The following LRRK1 variants were observed in gnomAD, a reference collection of about 807,000 sequenced individuals.
LRRK1 encodes the protein leucine rich repeat kinase 1, also known as leucine-rich repeat serine/threonine-protein kinase 1.
Under a neutral mutation model 209.1 loss-of-function variants are expected in LRRK1, and 113 were observed. The ratio of observed to expected loss-of-function variants is 0.54; its 90% CI spans 0.46 to 0.63. The LOEUF (loss-of-function observed/expected upper bound fraction) is 0.63, where lower values mean the gene tolerates loss of function less well. Among genes scored for constraint, LRRK1 ranks in the 30% least tolerant of loss-of-function variants. The probability of loss-of-function intolerance (pLI) is 0.00; values close to 1 mark genes in which losing one functional copy is unlikely to be tolerated. For missense variants in LRRK1, 2,284 were observed against 2,632.2 expected (o/e 0.87, Z 2.89); for synonymous variants, 1,144 against 1,099.7 (o/e 1.04, Z -0.80).
In LRRK1 at chr15:101,076,616, C is replaced by G. The variant is rs1322732775; in HGVS notation, c.*7768C>G. On this transcript the variant is annotated 3_prime_UTR_variant, in exon 34 of 34. Coordinates refer to ENST00000388948, the MANE Select transcript of LRRK1 (RefSeq NM_024652.6). ...CGCTAGCCCGCCTCTTAGAACCTCT[C>G]ATTTCCTTTCCATCGTGGAAATCTA... 1 of 152,410 alleles carries G rather than the reference C, an allele frequency of 6.6e-6. No individual in the cohort carries two copies. Among genetic ancestry groups the G allele is most frequent in the Admixed American group, 6.5e-5 (1 of 15,292 alleles). The allele number at this position is 152,410 out of a possible 1,614,324, so 9.4% of individuals were successfully genotyped here.
chr15:100,924,873 T>C (rs756355365), intron 2 of LRRK1, 144 bp downstream of exon 2: 19 of 589,798 alleles, frequency 3.2e-5, no homozygotes, highest in Non-Finnish European at 5.2e-5. Context: ...TCATATAATA[T>C]ATCTTGGGAC....
At chr15:100,928,538 A>T (rs2042153374) in intron 2 of LRRK1, among the ~76,000 whole-genome samples, 1 of 152,164 alleles carries the variant, frequency 6.6e-6, no homozygotes, top group African/African-American at 2.4e-5. Flanking sequence ...ACTCAAAATT[A>T]TGTAGGGACA....
At chr15:100,968,817 C>T (rs187325243) in intron 2 of LRRK1, among the ~76,000 whole-genome samples, 94 of 145,616 alleles carry the variant, frequency 6.5e-4, no homozygotes, top group Non-Finnish European at 9.3e-4. Context: ...TTCCCCTTCC[C>T]TTCCTTTCCC....
At position 100,953,244 on chromosome 15, in the gene LRRK1, A is replaced by G. The variant is rs185526461; in HGVS notation, c.98-20560A>G. Among the ~76,000 whole-genome samples the G allele has an allele frequency of 7.2e-5, 11 of 152,296 alleles. 1 individual carries two copies. Among genetic ancestry groups the G allele is most frequent in the Admixed American group, 6.5e-4 (10 of 15,304 alleles). Reference sequence around the variant, plus strand: ...TTAGATCCCCGAACTTACTCATCTTATAACTAAAAGTTTGTACCCTTCAAC... The same window carrying G: ...TTAGATCCCCGAACTTACTCATCTTGTAACTAAAAGTTTGTACCCTTCAAC... On this transcript the variant is annotated intron_variant, in intron 2 of 33. Coordinates refer to ENST00000388948, the MANE Select transcript of LRRK1 (RefSeq NM_024652.6).
In LRRK1 at chr15:101,061,182, T is replaced by A. The variant is rs2036154581; in HGVS notation, c.4691T>A (p.Val1564Glu). 1 of 1,613,482 alleles carries A rather than the reference T, an allele frequency of 6.2e-7. No homozygotes were observed. Among genetic ancestry groups the A allele is most frequent in the Non-Finnish European group, 8.5e-7 (1 of 1,179,586 alleles). The change falls in exon 30 of 34, where the codon GTG becomes GAG. Residue 1564 changes from valine (V) to glutamate (E), a missense_variant. Val to Glu is a moderately radical substitution (Grantham distance 121). Transcript: ENST00000388948. Reference sequence around the variant, plus strand: ...TCTGCCACTTACAGGAACTACACGGTGGTGAACACAGAGAAGGGCCTCATG... The same window carrying A: ...TCTGCCACTTACAGGAACTACACGGAGGTGAACACAGAGAAGGGCCTCATG... ...DGKEESRNYTVVNTEKGLMEV... is the reference protein window; with the variant it reads ...DGKEESRNYTEVNTEKGLMEV...
At chr15:100,950,220 T>C (rs1338462574) in intron 2 of LRRK1, among the ~76,000 whole-genome samples, 1 of 109,636 alleles carries the variant, frequency 9.1e-6, no homozygotes, top group Non-Finnish European at 1.9e-5. Context: ...ATCTGAAAAT[T>C]TAATTAAGAA....
chr15:100,942,866 G>A (rs868188935), intron 2 of LRRK1, among the ~76,000 whole-genome samples: 3 of 152,182 alleles, frequency 2.0e-5, no homozygotes, highest in Admixed American at 6.5e-5. Context: ...CACAGTGGGC[G>A]GGTGGGGTGT....
rs545644325 is a variant in LRRK1, at chr15:101,015,625, C to T, written c.1609+223C>T. On this transcript the variant is annotated intron_variant, in intron 12 of 33. Transcript: ENST00000388948. Reference sequence around the variant, plus strand: ...AGTATCCTCAAGCCCCACTCTCCTGCGTGGAGGCCAGTGATGCCAGCAGCT... The same window carrying T: ...AGTATCCTCAAGCCCCACTCTCCTGTGTGGAGGCCAGTGATGCCAGCAGCT... Among the ~76,000 whole-genome samples, 7 of 152,346 alleles carry T rather than the reference C, an allele frequency of 4.6e-5. No individual in the cohort carries two copies. In the East Asian group the frequency reaches 1.3e-3, roughly 29 times the overall value.
intron 3 of LRRK1, among the ~76,000 whole-genome samples, chr15:100,977,378 T>C (rs1237711434): frequency 6.6e-6 from 1 of 152,074 alleles, no homozygotes; most frequent in African/African-American, 2.4e-5. Flanking sequence ...TTTCCACCCT[T>C]GCCAGGCTGT....
chr15:101,062,155 A>G (rs1178406743), intron 30 of LRRK1, among the ~76,000 whole-genome samples: 1 of 152,178 alleles, frequency 6.6e-6, no homozygotes, highest in Non-Finnish European at 1.5e-5. Flanking sequence ...TGGGAAGAAC[A>G]GTGAACATTT....
rs915369105 is a variant in LRRK1, at chr15:101,073,751, C to T, written c.*4903C>T. 9.2e-5 allele frequency: 14 copies of T among 152,066 alleles called. No individual in the cohort carries two copies. The highest frequency in any genetic ancestry group is 2.2e-4 in the African/African-American group (9 of 41,390). 9.4% of individuals were successfully genotyped at this position (152,066 alleles called of 1,614,324 possible). On this transcript the variant is annotated 3_prime_UTR_variant, in exon 34 of 34. Coordinates refer to ENST00000388948, the MANE Select transcript of LRRK1 (RefSeq NM_024652.6). ...TAAGAACCCCTGAACCGCTTCTCTC[C>T]GTGTCTCTACTCTCCCTTTTCTTTA...
chr15:100,941,472 G>C (rs1297208741), intron 2 of LRRK1, among the ~76,000 whole-genome samples: 3 of 145,780 alleles, frequency 2.1e-5, no homozygotes, highest in Non-Finnish European at 4.6e-5. Context: ...CTCTGTGTGT[G>C]TGTGTGTGTG....
At chr15:101,030,784 T>C (rs995988810) in intron 20 of LRRK1, among the ~76,000 whole-genome samples, 1 of 152,226 alleles carries the variant, frequency 6.6e-6, no homozygotes, top group Admixed American at 6.5e-5. Flanking sequence ...TTTCCATCAG[T>C]TATCGGGGTA....
rs963494611 is a variant in LRRK1, at chr15:101,073,670, C to T, written c.*4822C>T. On this transcript the variant is annotated 3_prime_UTR_variant, in exon 34 of 34. Coordinates refer to ENST00000388948, the MANE Select transcript of LRRK1 (RefSeq NM_024652.6). ...ATCTCTGCACCTTGATCCCTTATTT[C>T]CACATCCCGACCTCGTATCTCTGCA... 6.6e-6 allele frequency: 1 copy of T among 152,008 alleles called. No homozygotes were observed. The highest frequency in any genetic ancestry group is 6.6e-5 in the Admixed American group (1 of 15,248). The allele number at this position is 152,008 out of a possible 1,614,324, so 9.4% of individuals were successfully genotyped here. A position where few individuals can be genotyped will look rare whatever the true frequency, so the allele number is the denominator to read the frequency against.
chr15:100,921,848 G>C (rs567230768), intron 1 of LRRK1, among the ~76,000 whole-genome samples: 1 of 152,148 alleles, frequency 6.6e-6, no homozygotes, highest in East Asian at 1.9e-4. Flanking sequence ...CTCCCAAGTA[G>C]CTGGGATTAC....
At chr15:100,945,550 A>G (rs573603019) in intron 2 of LRRK1, among the ~76,000 whole-genome samples, 3 of 128,364 alleles carry the variant, frequency 2.3e-5, no homozygotes, top group African/African-American at 9.0e-5. Context: ...CTGGAGTGCA[A>G]TGGCACAACC....
At chr15:101,031,669 A>G (rs1157791341) in intron 20 of LRRK1, among the ~76,000 whole-genome samples, 1 of 151,936 alleles carries the variant, frequency 6.6e-6, no homozygotes, top group African/African-American at 2.4e-5. Flanking sequence ...TTTATAAGAA[A>G]TCACCAGGCT....
In LRRK1 at chr15:101,024,760, G is replaced by T. The variant is rs770350208; in HGVS notation, c.2068-43G>T. ...CTCCGTTTGATTGACTGAAGCCTTT[G>T]TCTCTAAAATGCCTCCCTGTCGCTG... On this transcript the variant is annotated intron_variant, in intron 15 of 33. Transcript: ENST00000388948. This position sits in a 1 kb window ranked among gnomAD's most constrained non-coding sequence, Gnocchi z 4.6. The T allele has an allele frequency of 1.9e-6, 3 of 1,593,720 alleles. No homozygotes were observed. Among genetic ancestry groups the T allele is most frequent in the Non-Finnish European group, 2.6e-6 (3 of 1,164,792 alleles).
chr15:101,008,562 G>A (rs1337036753), intron 6 of LRRK1, among the ~76,000 whole-genome samples: 1 of 151,930 alleles, frequency 6.6e-6, no homozygotes, highest in Non-Finnish European at 1.5e-5. Context: ...CACTGAGCCC[G>A]CGCCCACCGG....
Sources: allele counts gnomAD v4.1 joint callset (sites outside exome capture counted in the v4.1 genomes callset), GRCh38; gene constraint gnomAD v4.1.1; non-coding constraint Gnocchi (gnomAD v3.1); transcripts MANE v1.5; gene names NCBI Gene and HGNC (gene_info 2026-07-23, HGNC 2026-07-21).